Variants in KRT83 observed in about 807,000 individuals in gnomAD.
KRT83 encodes the protein keratin 83, also known as keratin, type II cuticular Hb3.
KRT83 carries 51 observed loss-of-function variants against 52.9 expected under a neutral mutation model. The ratio of observed to expected loss-of-function variants is 0.96; its 90% CI spans 0.77 to 1.22. The LOEUF is 1.22. Among genes scored for constraint, KRT83 ranks in the 50% most tolerant of loss-of-function variants. The pLI is 0.00. For missense variants in KRT83, 654 were observed against 666.5 expected (o/e 0.98, Z 0.21); for synonymous variants, 278 against 274.1 (o/e 1.01, Z -0.14).
chr12:52,319,458 T>A, intron 1 of KRT83, 94 bp from the exon 2 acceptor site: 1 of 1,549,412 alleles, frequency 6.5e-7, no homozygotes, highest in Non-Finnish European at 8.8e-7. Flanking sequence ...CCCCCAACTC[T>A]CTGACCCAGA....
intron 2 of KRT83, 64 bp downstream of exon 2, chr12:52,319,092 C>T (rs1938730216): frequency 3.1e-6 from 5 of 1,610,288 alleles, no homozygotes; most frequent in Non-Finnish European, 4.2e-6. Flanking sequence ...GGATACTCCT[C>T]CGGGCTCAGG....
Position 52,317,832 on chromosome 12 carries a change from C to T in KRT83, c.655-56G>A. ...GCTTTCCTCAGAGGGCTCTGAGGAC[C>T]TGGCTGCCATGTGGCAGGACAAAGA... On this transcript the variant is annotated intron_variant, in intron 3 of 8. Coordinates refer to ENST00000293670, the MANE Select transcript of KRT83 (RefSeq NM_002282.3). The T allele has an allele frequency of 2.5e-6, 4 of 1,612,098 alleles. No homozygotes were observed. In the South Asian group the frequency reaches 3.3e-5, roughly 13 times the overall value.
In KRT83 at chr12:52,321,204, G is replaced by T; in HGVS notation, c.132C>A (p.Arg44=). 1 of 1,613,180 alleles carries T rather than the reference G, an allele frequency of 6.2e-7. No individual in the cohort carries two copies. The highest frequency in any genetic ancestry group is 8.5e-7 in the Non-Finnish European group (1 of 1,179,582). The part of the protein sequence containing the change: ...AAPYRGISCY[R]GLTGGFGSHS... ...GGCTGCCAAAGCCCCCGGTGAGGCC[G>T]CGGTAGCAGGAGATGCCGCGGTAGG... The change falls in exon 1 of 9, where the codon CGC becomes CGA. Residue 44 remains arginine, a synonymous_variant. Transcript: ENST00000293670.
Position 52,317,708 on chromosome 12 carries a change from A to G in KRT83, c.723T>C (p.Ile241=), listed in dbSNP as rs751718404. The stretch of plus-strand genomic sequence containing the variant: ...CCTCGTACAGCCGCCTCAGGAAGTC[A>G]ATCTCCTGGATCAGGGCCTCCACGT... ...EANVEALIQE[I]DFLRRLYEEE... The change falls in exon 4 of 9, where the codon ATT becomes ATC. Residue 241 remains isoleucine (I), a synonymous_variant. Transcript: ENST00000293670. 6.2e-7 allele frequency: 1 copy of G among 1,612,960 alleles called. No individual in the cohort carries two copies. The highest frequency in any genetic ancestry group is 1.7e-5 in the Admixed American group (1 of 60,014).
Position 52,314,685 on chromosome 12 carries a change from A to C in KRT83, c.1428T>G (p.Cys476Trp). The C allele has an allele frequency of 1.3e-6, 2 of 1,583,142 alleles. No individual in the cohort carries two copies. Among genetic ancestry groups the C allele is most frequent in the African/African-American group, 2.7e-5 (2 of 74,590 alleles). The change falls in exon 9 of 9, where the codon TGT becomes TGG. Residue 476 changes from cysteine to tryptophan, a missense_variant. Physicochemically the swap from Cys to Trp is radical, Grantham distance 215 (BLOSUM62 -2). Coordinates refer to ENST00000293670, the MANE Select transcript of KRT83 (RefSeq NM_002282.3). The part of the protein sequence containing the change: ...LVVSTGLCKP[C>W]GQLNTTCGGG... ...CTCCACAGGTGGTGTTCAGCTGGCC[A>C]CAGGGCTTGCACAAACCAGTGCTCA... is the stretch of plus-strand genomic sequence containing the variant.
At chr12:52,318,690 T>C (rs577542655) in intron 2 of KRT83, among the ~76,000 whole-genome samples, 15 of 152,316 alleles carry the variant, frequency 9.8e-5, no homozygotes, top group African/African-American at 3.4e-4. Context: ...TCACACTTTG[T>C]AGCTGAAGGG....
chr12:52,316,524 C>G lies in KRT83; in HGVS notation c.985G>C (p.Glu329Gln). The stretch of plus-strand genomic sequence containing the variant: ...AGCCTCTGGATCATGCGGTTCAGCT[C>G]GTTGATCTCCTCCTTGGTGCGGCGC... The part of the protein sequence containing the change: ...TLRRTKEEIN[E>Q]LNRMIQRLTA... Residue 329 changes from glutamate to glutamine, a missense_variant, in exon 6 of 9, where the codon GAG becomes CAG. Transcript: ENST00000293670. The G allele has an allele frequency of 1.2e-6, 2 of 1,614,168 alleles. No homozygotes were observed. Among genetic ancestry groups the G allele is most frequent in the South Asian group, 2.2e-5 (2 of 91,084 alleles).
Position 52,317,909 on chromosome 12 carries a change from C to T in KRT83, c.654+1G>A. ...CTCAGGGCCAGCTGGGCTTCACTCACCTTCTTTAGAGCCACAAACTCGTTC... is the reference window on the plus strand; with the variant it reads ...CTCAGGGCCAGCTGGGCTTCACTCATCTTCTTTAGAGCCACAAACTCGTTC... On this transcript the variant is annotated splice_donor_variant, in intron 3 of 8. Coordinates refer to ENST00000293670, the MANE Select transcript of KRT83 (RefSeq NM_002282.3). LOFTEE classifies it high-confidence loss of function. The T allele has an allele frequency of 1.2e-6, 2 of 1,614,158 alleles. No homozygotes were observed. The highest frequency in any genetic ancestry group is 1.7e-5 in the Admixed American group (1 of 60,028).
Position 52,314,618 on chromosome 12 carries a change from T to C in KRT83, c.*13A>G. ...CAGGCAGAAGGGGCTCCCCTGGCTC[T>C]CTTTTGGGCCACTTAATGCCTCCCC... On this transcript the variant is annotated 3_prime_UTR_variant, in exon 9 of 9. Coordinates refer to ENST00000293670, the MANE Select transcript of KRT83 (RefSeq NM_002282.3). 1.3e-6 allele frequency: 2 copies of C among 1,556,482 alleles called. No individual in the cohort carries two copies. Among genetic ancestry groups the C allele is most frequent in the Non-Finnish European group, 1.7e-6 (2 of 1,150,190 alleles).
intron 6 of KRT83, 148 bp from the exon 7 acceptor site, chr12:52,316,261 T>TCCTCACACACACACACACACAC: frequency 1.2e-6 from 1 of 810,432 alleles, no homozygotes; most frequent in Non-Finnish European, 2.0e-6. Context: ...TCACTTACAC[T>TCCTCACACACACACACACACAC]ACACACACAC....
rs770273202 is a variant in KRT83 at position 52,321,043 on chromosome 12, A to G, written c.293T>C (p.Leu98Pro). 6 of 1,612,786 alleles carry G rather than the reference A, an allele frequency of 3.7e-6. No homozygotes were observed. In the South Asian group the frequency reaches 6.6e-5, roughly 18 times the overall value. ...GCACTGCGCGTTGGGGTCTATCTCC[A>G]GGTTGAGGGGCGTGAGGAGGCTCTC... ...VNESLLTPLN[L>P]EIDPNAQCVK... Residue 98 changes from leucine (L) to proline (P), a missense_variant, in exon 1 of 9, where the codon CTG becomes CCG. Coordinates refer to ENST00000293670, the MANE Select transcript of KRT83 (RefSeq NM_002282.3).
At chr12:52,318,070 T>C (rs1337454178) in intron 2 of KRT83, 100 bp from the exon 3 acceptor site, 4 of 1,097,620 alleles carry the variant, frequency 3.6e-6, no homozygotes, top group Admixed American at 1.7e-5. Flanking sequence ...TCCCCCTGCT[T>C]GTCTCCTGCC....
intron 2 of KRT83, 61 bp downstream of exon 2, chr12:52,319,095 G>C: frequency 6.2e-7 from 1 of 1,610,482 alleles, no homozygotes; most frequent in Non-Finnish European, 8.5e-7. Context: ...TACTCCTCCG[G>C]GCTCAGGGAG....
chr12:52,314,530 C>A lies in KRT83; in HGVS notation c.*101G>T. The A allele has an allele frequency of 8.9e-7, 1 of 1,120,976 alleles. No homozygotes were observed. Among genetic ancestry groups the A allele is most frequent in the Non-Finnish European group, 1.3e-6 (1 of 756,596 alleles). The allele number at this position is 1,120,976 out of a possible 1,614,324, so 69.4% of individuals were successfully genotyped here. On this transcript the variant is annotated 3_prime_UTR_variant, in exon 9 of 9. Transcript: ENST00000293670. Reference sequence around the variant, plus strand: ...GAGCCGATGGTGTATTCTCAGAACACAAGGGGAAAAGCCAGCGATGTGCTG... The same window carrying A: ...GAGCCGATGGTGTATTCTCAGAACAAAAGGGGAAAAGCCAGCGATGTGCTG...
chr12:52,317,645 G>A (rs780752334), intron 4 of KRT83, 36 bp downstream of exon 4: 11 of 1,603,342 alleles, frequency 6.9e-6, no homozygotes, highest in Non-Finnish European at 9.4e-6. Flanking sequence ...GATCCCATGG[G>A]GGGATCTGTG....
intron 2 of KRT83, among the ~76,000 whole-genome samples, chr12:52,318,207 G>A (rs993843503): frequency 6.6e-5 from 10 of 151,752 alleles, no homozygotes; most frequent in South Asian, 2.1e-4. Flanking sequence ...ATGGAGTCTC[G>A]CTCTGTCGCC....
chr12:52,316,548 G>T lies in KRT83; in HGVS notation c.961C>A (p.Arg321Ser). The stretch of plus-strand genomic sequence containing the variant: ...TCGTTGATCTCCTCCTTGGTGCGGC[G>T]CAGGGTCTCCCCGTGCCTGATCACT... ...ATVIRHGETL[R>S]RTKEEINELN... Residue 321 changes from arginine to serine, a missense_variant, in exon 6 of 9, where the codon CGC becomes AGC. Arg to Ser is a moderately radical substitution (Grantham distance 110). Transcript: ENST00000293670. 3.7e-6 allele frequency: 6 copies of T among 1,614,100 alleles called. No individual in the cohort carries two copies. The highest frequency in any genetic ancestry group is 5.1e-6 in the Non-Finnish European group (6 of 1,180,028).
intron 2 of KRT83, 130 bp downstream of exon 2, chr12:52,319,026 C>T: frequency 5.7e-6 from 8 of 1,396,094 alleles, no homozygotes; most frequent in Non-Finnish European, 8.1e-6. Flanking sequence ...CCCTGTGTCT[C>T]AAACAGGGGG....
chr12:52,315,803 A>G (rs1938676863), intron 7 of KRT83, 90 bp downstream of exon 7: 5 of 1,560,718 alleles, frequency 3.2e-6, no homozygotes, highest in Non-Finnish European at 4.4e-6. Flanking sequence ...AGAGGCAAGA[A>G]TGTCACCTGG....
Sources: gnomAD v4.1 joint callset for allele counts (sites outside exome capture counted in the v4.1 genomes callset) on GRCh38, gnomAD v4.1.1 for gene constraint, MANE v1.5 for transcripts, NCBI Gene and HGNC (gene_info 2026-07-23, HGNC 2026-07-21) for gene names.